The following STAG2 variants were observed in gnomAD, a reference collection of about 807,000 sequenced individuals.
The protein encoded by STAG2 is STAG2 cohesin complex component.
In STAG2, 14 loss-of-function variants were observed where a neutral mutation model predicts 108.1. The ratio of observed to expected loss-of-function variants is 0.13; its 90% CI spans 0.09 to 0.20. The LOEUF (loss-of-function observed/expected upper bound fraction) is 0.20, where lower values mean the gene tolerates loss of function less well. STAG2 is among the 10% of genes least tolerant of loss of function. The pLI, the probability that STAG2 is intolerant of heterozygous loss-of-function variation, is 1.00. For missense variants in STAG2, 440 were observed against 940.9 expected (o/e 0.47, Z 6.96); for synonymous variants, 307 against 302.7 (o/e 1.01, Z -0.15).
intron 1 of STAG2, among the ~76,000 whole-genome samples, chrX:124,001,223 TG>T (rs749659068): frequency 1.3e-3 from 143 of 111,048 alleles, no homozygotes; most frequent in African/African-American, 4.5e-3. Flanking sequence ...CCCGAGTAGC[TG>T]GGACTACAGG....
intron 1 of STAG2, among the ~76,000 whole-genome samples, chrX:123,998,791 A>G (rs1034009638): frequency 8.9e-6 from 1 of 111,906 alleles, no homozygotes; most frequent in African/African-American, 3.2e-5. Context: ...GTATATGTAC[A>G]TTGTAGAAAA....
intron 5 of STAG2, 136 bp from the exon 6 acceptor site, chrX:124,037,390 TA>T (rs1334714356): frequency 6.1e-5 from 13 of 213,532 alleles, no homozygotes; most frequent in Non-Finnish European, 9.7e-5. Flanking sequence ...AATTGAACTT[TA>T]AATTTCAGTG....
At chrX:123,994,275 G>A (rs1356749817) in intron 1 of STAG2, among the ~76,000 whole-genome samples, 2 of 111,428 alleles carry the variant, frequency 1.8e-5, no homozygotes, top group Non-Finnish European at 3.8e-5. Flanking sequence ...ACCAGAGTGA[G>A]AACTCAGAAT....
At chrX:124,005,230 A>T (rs1223442200) in intron 1 of STAG2, among the ~76,000 whole-genome samples, 1 of 111,371 alleles carries the variant, frequency 9.0e-6, no homozygotes, top group Non-Finnish European at 1.9e-5. Flanking sequence ...GAGCATGGGG[A>T]ACCCATGGAT....
chrX:124,083,673 G>GTT, intron 29 of STAG2, 124 bp downstream of exon 29: 2 of 491,972 alleles, frequency 4.1e-6, no homozygotes, highest in Non-Finnish European at 3.1e-6. Context: ...ACACAAAAAA[G>GTT]TTTATACTTC....
Position 124,101,449 on chromosome X carries a change from G to A in STAG2, c.*852G>A, listed in dbSNP as rs1296809530. The A allele has an allele frequency of 1.3e-5, 2 of 154,436 alleles. No individual in the cohort carries two copies. Among genetic ancestry groups the A allele is most frequent in the Non-Finnish European group, 2.5e-5 (2 of 79,263 alleles). The allele number at this position is 154,436 out of a possible 1,213,427, so 12.7% of individuals were successfully genotyped here. On this transcript the variant is annotated 3_prime_UTR_variant, in exon 35 of 35. Transcript: ENST00000371145. ...AACAAAAATTATACAGCTTATTAGA[G>A]TGTGGGAATAGGGATCTAAATTTTA...
rs530164900 is a variant in STAG2 at position 124,074,270 on chromosome X, T to C, written c.2534-2062T>C. Among the ~76,000 whole-genome samples the C allele has an allele frequency of 3.6e-5, 4 of 112,647 alleles. No homozygotes were observed. The South Asian group carries it at 1.5e-3, about 41-fold the overall frequency. ...ATTTTTTTCAGTGTTGACATGTGGC[T>C]ACAATTCATTTATTCTAACTGCTGA... On this transcript the variant is annotated intron_variant, in intron 25 of 34. Transcript: ENST00000371145.
intron 1 of STAG2, among the ~76,000 whole-genome samples, chrX:123,974,255 C>T (rs775880410): frequency 9.7e-4 from 97 of 100,343 alleles, no homozygotes; most frequent in Non-Finnish European, 1.6e-3. Flanking sequence ...TTTTTTGAGA[C>T]GGAGCCTTAC....
At chrX:124,029,463 G>A (rs1351112361) in intron 4 of STAG2, among the ~76,000 whole-genome samples, 2 of 110,094 alleles carry the variant, frequency 1.8e-5, no homozygotes, top group East Asian at 2.9e-4. Context: ...GGCGTATGCC[G>A]CCATGCCTGG....
chrX:123,974,161 G>A (rs1203719897), intron 1 of STAG2, among the ~76,000 whole-genome samples: 3 of 110,985 alleles, frequency 2.7e-5, no homozygotes, highest in Non-Finnish European at 5.7e-5. Flanking sequence ...ATGTAGCCTT[G>A]GAATGCTTCA....
At chrX:124,066,885 A>G (rs1483019017) in intron 23 of STAG2, among the ~76,000 whole-genome samples, 1 of 112,082 alleles carries the variant, frequency 8.9e-6, no homozygotes, top group South Asian at 3.7e-4. Flanking sequence ...AGCGCCAGCT[A>G]TTAGTACATA....
intron 25 of STAG2, among the ~76,000 whole-genome samples, chrX:124,074,693 A>AAT (rs1309594843): frequency 8.9e-6 from 1 of 111,919 alleles, no homozygotes; most frequent in African/African-American, 3.3e-5. Context: ...AATACATAAT[A>AAT]ATAATGGCAG....
chrX:124,080,841 CAA>C (rs778280825), intron 27 of STAG2, among the ~76,000 whole-genome samples: 3 of 111,990 alleles, frequency 2.7e-5, no homozygotes, highest in African/African-American at 6.5e-5. Flanking sequence ...ACAATTTAAC[CAA>C]AGTCTCCTTG....
At position 124,064,444 on chromosome X, in the gene STAG2, GT is replaced by G. The variant is rs757340317; in HGVS notation, c.2025+409del. Among the ~76,000 whole-genome samples the G allele has an allele frequency of 1.1e-3, 102 of 96,199 alleles. 1 individual carries two copies. Among genetic ancestry groups the G allele is most frequent in the South Asian group, 7.0e-3 (15 of 2,148 alleles). 83.5% of individuals were successfully genotyped at this position (96,199 alleles called of 115,157 possible). ...AGTGTAGGTTAGGGAAGGACATTAT[GT>G]TTTTTTTTTTTTTTTGGAGACGGAG... On this transcript the variant is annotated intron_variant, in intron 20 of 34. Coordinates refer to ENST00000371145, the MANE Select transcript of STAG2 (RefSeq NM_001042750.2).
At chrX:124,080,719 T>G (rs963363411) in intron 27 of STAG2, among the ~76,000 whole-genome samples, 2 of 110,828 alleles carry the variant, frequency 1.8e-5, no homozygotes, top group Non-Finnish European at 3.8e-5. Context: ...TAATTGTACA[T>G]ATTTATGGGG....
intron 1 of STAG2, among the ~76,000 whole-genome samples, chrX:124,019,122 G>A (rs1244485532): frequency 3.0e-5 from 3 of 99,817 alleles, no homozygotes; most frequent in African/African-American, 1.1e-4. Context: ...GTGCAGTGGC[G>A]CAGTCTTGGC....
intron 11 of STAG2, 121 bp from the exon 12 acceptor site, chrX:124,051,000 G>A (rs1053157098): frequency 2.3e-6 from 1 of 429,435 alleles, no homozygotes; most frequent in African/African-American, 2.5e-5. Context: ...CTGAAGGAAT[G>A]CTATGGTATG....
Position 124,057,950 on chromosome X carries a change from A to T in STAG2, c.1389A>T (p.Thr463=). 8.4e-7 allele frequency: 1 copy of T among 1,189,834 alleles called. No individual in the cohort carries two copies. Among genetic ancestry groups the T allele is most frequent in the South Asian group, 1.9e-5 (1 of 53,435 alleles). ...RQGPNANLVK[T]LVFFFLESEL... ...GTCCAAATGCCAACCTTGTTAAGAC[A>T]TTGGTTTTTTTCTTTCTAGAAAGTG... Residue 463 remains threonine, a synonymous_variant, in exon 15 of 35, where the codon ACA becomes ACT. Coordinates refer to ENST00000371145, the MANE Select transcript of STAG2 (RefSeq NM_001042750.2).
chrX:123,987,567 A>G (rs765458465), intron 1 of STAG2, among the ~76,000 whole-genome samples: 24 of 112,055 alleles, frequency 2.1e-4, no homozygotes, highest in Admixed American at 1.1e-3. Context: ...TTTTGTAGCG[A>G]CGATATCTCC....
Sources: gnomAD v4.1 joint callset for allele counts (sites outside exome capture counted in the v4.1 genomes callset) on GRCh38, gnomAD v4.1.1 for gene constraint, MANE v1.5 for transcripts, NCBI Gene and HGNC (gene_info 2026-07-23, HGNC 2026-07-21) for gene names.